The following ZNF600 variants were observed in gnomAD, a reference collection of about 807,000 sequenced individuals.
The protein encoded by ZNF600 is zinc finger protein 600.
In ZNF600, 4 loss-of-function variants were observed where a neutral mutation model predicts 7.3. The ratio of observed to expected loss-of-function variants is 0.55; its 90% CI spans 0.27 to 1.25. The LOEUF (loss-of-function observed/expected upper bound fraction) is 1.25. Ranked by LOEUF, ZNF600 falls within the 50% of genes most tolerant of loss-of-function variation. ZNF600 has a pLI of 0.12. For missense variants in ZNF600, 911 were observed against 922.1 expected, an observed-to-expected ratio of 0.99 and a Z score of 0.16; for synonymous variants, 290 against 308.9, an observed-to-expected ratio of 0.94 and a Z score of 0.64.
upstream of ZNF600, among the ~76,000 whole-genome samples, chr19:52,788,245 T>C (rs565358747): frequency 3.9e-5 from 6 of 152,270 alleles, no homozygotes; most frequent in South Asian, 4.1e-4. Context: ...TGAGGCAGGA[T>C]GCTTCAGACT....
At chr19:52,797,735 T>C in the ZNF600 span, 1 of 152,478 alleles carries the variant, frequency 6.6e-6, no homozygotes, top group Non-Finnish European at 1.5e-5. Context: ...TCCATACTGA[T>C]TGGAAAAATT....
At chr19:52,787,358 C>G (rs1230471755), upstream of ZNF600, among the ~76,000 whole-genome samples, 3 of 151,658 alleles carry the variant, frequency 2.0e-5, no homozygotes. Context: ...GTAACACCCC[C>G]TAACTGCAGG....
chr19:52,775,762 A>G (rs2147530148), intron 2 of ZNF600, among the ~76,000 whole-genome samples: 1 of 152,260 alleles, frequency 6.6e-6, no homozygotes, highest in African/African-American at 2.4e-5. Context: ...TAATTCCAGT[A>G]CTTTGAGAGG....
At chr19:52,771,462 T>C (rs376739162) in intron 3 of ZNF600, among the ~76,000 whole-genome samples, 3 of 151,370 alleles carry the variant, frequency 2.0e-5, no homozygotes, top group African/African-American at 4.9e-5. Flanking sequence ...TACAGATACA[T>C]GCCACCATGC....
chr19:52,767,452 G>T, exon 4 of ZNF600: 1 of 1,614,176 alleles, frequency 6.2e-7, no homozygotes, highest in South Asian at 1.1e-5. Context: ...CCTTTGATCT[G>T]AATTATGTGG....
At chr19:52,830,743 T>A in the ZNF600 span, among the ~76,000 whole-genome samples, 2,835 of 150,748 alleles carry the variant, frequency 0.019, 105 homozygotes, top group African/African-American at 0.067. Flanking sequence ...GGTGTTCACT[T>A]TTACAAAGTC....
the ZNF600 span, among the ~76,000 whole-genome samples, chr19:52,825,290 C>T: frequency 1.3e-5 from 2 of 152,266 alleles, no homozygotes; most frequent in East Asian, 3.9e-4. Context: ...TCAGAAAATG[C>T]TCCAAGGAGA....
the ZNF600 span, among the ~76,000 whole-genome samples, chr19:52,824,230 G>A: frequency 2.0e-5 from 3 of 151,942 alleles, no homozygotes; most frequent in East Asian, 3.8e-4. Context: ...CAAAAACAAA[G>A]GAAATGCCTC....
chr19:52,819,790 T>G, the ZNF600 span, among the ~76,000 whole-genome samples: 1 of 140,836 alleles, frequency 7.1e-6, no homozygotes, highest in African/African-American at 2.9e-5. Flanking sequence ...CTGATGAAAT[T>G]GACTCCCAAC....
At chr19:52,801,002 A>G in the ZNF600 span, 1 of 1,614,102 alleles carries the variant, frequency 6.2e-7, no homozygotes, top group African/African-American at 1.3e-5. Context: ...ATGTATTGTG[A>G]CCAAAGATCT....
At chr19:52,787,579 C>T (rs543222728), upstream of ZNF600, among the ~76,000 whole-genome samples, 2 of 150,844 alleles carry the variant, frequency 1.3e-5, no homozygotes, top group African/African-American at 4.9e-5. Context: ...AAAAACAAGA[C>T]CGGGCGCGCT....
chr19:52,765,707 T>A (rs773946315), exon 4 of ZNF600: 4 of 1,613,548 alleles, frequency 2.5e-6, no homozygotes, highest in Non-Finnish European at 3.4e-6. Context: ...GTCCAGTATG[T>A]TGTTTCAGGT....
At chr19:52,801,458 C>G in the ZNF600 span, 1 of 1,614,144 alleles carries the variant, frequency 6.2e-7, no homozygotes, top group Non-Finnish European at 8.5e-7. Context: ...TTCCAGCATG[C>G]CTTTGATCAT....
At chr19:52,795,818 G>C in the ZNF600 span, among the ~76,000 whole-genome samples, 1,492 of 151,250 alleles carry the variant, frequency 9.9e-3, 14 homozygotes, top group Non-Finnish European at 0.017. Context: ...CGCCTGTTGT[G>C]GCCTCCCAAA....
At chr19:52,810,820 A>C in the ZNF600 span, 1 of 296,388 alleles carries the variant, frequency 3.4e-6, no homozygotes, top group South Asian at 5.1e-5. Flanking sequence ...AAAAATATAT[A>C]TATATTTTTA....
chr19:52,804,233 C>T, the ZNF600 span, among the ~76,000 whole-genome samples: 2 of 152,182 alleles, frequency 1.3e-5, no homozygotes, highest in Admixed American at 6.5e-5. Context: ...TCTTGGATTT[C>T]CCACTTTCCA....
chr19:52,827,554 C>T, the ZNF600 span, among the ~76,000 whole-genome samples: 252 of 152,036 alleles, frequency 1.7e-3, 2 homozygotes, highest in African/African-American at 5.7e-3. Flanking sequence ...TGGAAATTCA[C>T]GTCACTGAGT....
the ZNF600 span, among the ~76,000 whole-genome samples, chr19:52,795,325 A>T: frequency 6.6e-6 from 1 of 152,198 alleles, no homozygotes; most frequent in Non-Finnish European, 1.5e-5. Flanking sequence ...AAACAAGCTA[A>T]AATCATTTAT....
exon 4 of ZNF600, chr19:52,764,681 C>T (rs1375659904): frequency 1.3e-5 from 2 of 152,032 alleles, no homozygotes; most frequent in South Asian, 2.1e-4. Context: ...CCACGCCTGG[C>T]TAATATTTTA....
Sources: gnomAD v4.1 joint callset for allele counts (sites outside exome capture counted in the v4.1 genomes callset) on GRCh38, gnomAD v4.1.1 for gene constraint, MANE v1.5 for transcripts, NCBI Gene and HGNC (gene_info 2026-07-23, HGNC 2026-07-21) for gene names.